COA1: variants seen among roughly 807,000 people sequenced by gnomAD.
COA1 encodes cytochrome c oxidase assembly factor 1 homolog.
In COA1, 13 loss-of-function variants were observed where a neutral mutation model predicts 16.0. The ratio of observed to expected loss-of-function variants is 0.81; its 90% confidence interval spans 0.53 to 1.29. COA1 has a LOEUF of 1.29. COA1 is among the 50% of genes most tolerant of loss of function. The probability of loss-of-function intolerance (pLI) is 0.00; values close to 1 mark genes in which losing one functional copy is unlikely to be tolerated. For synonymous variants in COA1, 65 were observed against 65.7 expected, an observed-to-expected ratio of 0.99 and a Z score of 0.05; for missense variants, 179 against 177.0, an observed-to-expected ratio of 1.01 and a Z score of -0.06.
At chr7:43,638,683 C>T (rs2086351825), downstream of COA1, 1 of 149,614 alleles carries the variant, frequency 6.7e-6, no homozygotes, top group East Asian at 2.1e-4. Context: ...TCAAGCAATT[C>T]TCCCACCTCA....
intron 6 of COA1, among the ~76,000 whole-genome samples, chr7:43,612,073 A>G (rs1333864699): frequency 6.6e-6 from 1 of 152,234 alleles, no homozygotes; most frequent in African/African-American, 2.4e-5. Context: ...TTCAGTATCA[A>G]TCATATTCCT....
chr7:43,697,140 A>C (rs1025458915), intron 1 of COA1, among the ~76,000 whole-genome samples: 2 of 151,800 alleles, frequency 1.3e-5, no homozygotes, highest in Non-Finnish European at 2.9e-5. Flanking sequence ...AACAAAAAAC[A>C]AATAAAAAAA....
At chr7:43,624,511 T>G in intron 6 of COA1, 1 of 1,606,322 alleles carries the variant, frequency 6.2e-7, no homozygotes, top group African/African-American at 1.3e-5. Flanking sequence ...AACATGTATC[T>G]TTACAGAGAT....
chr7:43,616,624 G>A (rs1341809774), intron 6 of COA1, among the ~76,000 whole-genome samples: 10 of 152,172 alleles, frequency 6.6e-5, no homozygotes, highest in African/African-American at 1.2e-4. Context: ...CTGGCCGGGC[G>A]CGGTGGCTCA....
At chr7:43,648,754 C>T (rs1483959020) in intron 1 of COA1, 102 bp from the exon 2 acceptor site, 6 of 802,464 alleles carry the variant, frequency 7.5e-6, no homozygotes, top group African/African-American at 5.2e-5. Flanking sequence ...CTTTAGAACA[C>T]GAACAAGAAG....
intron 1 of COA1, among the ~76,000 whole-genome samples, chr7:43,678,799 T>A (rs7807728): frequency 0.039 from 5,982 of 151,656 alleles, 392 homozygotes; most frequent in African/African-American, 0.14. Context: ...TAAAAAAAAA[T>A]AGAAAATAAC....
At position 43,669,644 on chromosome 7, in the gene COA1, C is replaced by T. The variant is rs146377221; in HGVS notation, c.-38-20992G>A. On this transcript the variant is annotated intron_variant, in intron 1 of 5. Transcript: ENST00000223336. ...CTCATATAAGCAGCCACTTTTCTGA[C>T]GCACACAGGGTTTTCTCTTTGTTCG... is the stretch of plus-strand genomic sequence containing the variant. Among the ~76,000 whole-genome samples the T allele has an allele frequency of 8.2e-3, 1,248 of 152,214 alleles. 10 individuals are homozygous for T. The highest frequency in any genetic ancestry group is 0.029 in the African/African-American group (1,184 of 41,502).
Position 43,619,334 on chromosome 7 carries a change from TG to T in COA1, c.*134-9840del, listed in dbSNP as rs549055511. ...CAAGGAGATTCAGGATCATGGGGAA[TG>T]GTTTCCATAAGGTAGGGATAGAAAC... On this transcript the variant is annotated intron_variant and NMD_transcript_variant, in intron 6 of 6. Transcript: ENST00000415076. Among the ~76,000 whole-genome samples, 19 of 152,278 alleles carry T rather than the reference TG, an allele frequency of 1.2e-4. No homozygotes were observed. In the South Asian group the frequency reaches 3.9e-3, roughly 32 times the overall value.
chr7:43,646,912 T>C (rs536891918), intron 3 of COA1: 7 of 193,164 alleles, frequency 3.6e-5, no homozygotes, highest in Non-Finnish European at 6.7e-5. Flanking sequence ...AAAGCCAGTC[T>C]AGAAAAAACT....
intron 1 of COA1, among the ~76,000 whole-genome samples, chr7:43,714,808 G>A (rs925583730): frequency 3.3e-5 from 5 of 150,842 alleles, no homozygotes; most frequent in Admixed American, 3.3e-4. Context: ...AGGAGTTCGA[G>A]ACCAGCCTGG....
chr7:43,683,269 T>C (rs1291552567), intron 1 of COA1, among the ~76,000 whole-genome samples: 1 of 152,130 alleles, frequency 6.6e-6, no homozygotes, highest in Non-Finnish European at 1.5e-5. Context: ...TTTTTACATA[T>C]CATAATGATC....
At chr7:43,627,807 A>G (rs984624889) in intron 6 of COA1, among the ~76,000 whole-genome samples, 4 of 152,140 alleles carry the variant, frequency 2.6e-5, no homozygotes, top group Non-Finnish European at 5.9e-5. Flanking sequence ...AGGCTTGACA[A>G]ATGTACTCAC....
intron 3 of COA1, 199 bp downstream of exon 3, chr7:43,647,336 T>C (rs1334307413): frequency 1.0e-5 from 6 of 599,668 alleles, no homozygotes; most frequent in Non-Finnish European, 1.8e-5. Context: ...GTCCTTTTAT[T>C]TGTACTCGTT....
rs7780491 is a variant in COA1 at position 43,671,929 on chromosome 7, G to A, written c.-38-23277C>T. ...AGTTTCCTGAGGCCTCCCAAGCCAC[G>A]TGGAACTGTGAGTAAATGAAACCTC... On this transcript the variant is annotated intron_variant, in intron 1 of 5. Coordinates refer to ENST00000223336, the MANE Select transcript of COA1 (RefSeq NM_018224.4). 6.0e-3 allele frequency among the ~76,000 whole-genome samples: 907 copies of A among 152,210 alleles called. 6 individuals are homozygous for A. The highest frequency in any genetic ancestry group is 0.021 in the African/African-American group (857 of 41,532).
chr7:43,691,840 C>T (rs1372490042), intron 1 of COA1, among the ~76,000 whole-genome samples: 3 of 152,202 alleles, frequency 2.0e-5, no homozygotes, highest in African/African-American at 7.2e-5. Flanking sequence ...ACTGTGCTCC[C>T]GGGTTCAAAC....
chr7:43,639,369 G>A lies in COA1; in HGVS notation c.*213C>T. On this transcript the variant is annotated 3_prime_UTR_variant, in exon 6 of 6. Transcript: ENST00000223336. ...AAATTTATAATAGGAGTTTCTTTCG[G>A]ATTCAGTTTAAAAATGACAAATAGC... 1 of 413,992 alleles carries A rather than the reference G, an allele frequency of 2.4e-6. No homozygotes were observed. Among genetic ancestry groups the A allele is most frequent in the South Asian group, 5.0e-5 (1 of 20,010 alleles). 25.6% of individuals were successfully genotyped at this position (413,992 alleles called of 1,614,324 possible).
Position 43,691,301 on chromosome 7 carries a change from G to GA in COA1, c.-39+38127dup, listed in dbSNP as rs1307628323. 5.3e-5 allele frequency among the ~76,000 whole-genome samples: 5 copies of GA among 93,614 alleles called. 1 individual carries two copies. Among genetic ancestry groups the GA allele is most frequent in the Non-Finnish European group, 8.5e-5 (4 of 47,046 alleles). 61.4% of individuals were successfully genotyped at this position (93,614 alleles called of 152,430 possible). A position where few individuals can be genotyped will look rare whatever the true frequency, so the allele number is the denominator to read the frequency against. ...AGAAAGAAAGAAAGAAAGAAAGAAA[G>GA]AAAGAAAGAAAGAAAGAAAGAAAGA... On this transcript the variant is annotated intron_variant, in intron 1 of 5. Coordinates refer to ENST00000223336, the MANE Select transcript of COA1 (RefSeq NM_018224.4).
At chr7:43,649,687 A>G (rs1166770594) in intron 1 of COA1, 1 of 152,292 alleles carries the variant, frequency 6.6e-6, no homozygotes, top group Non-Finnish European at 1.5e-5. Context: ...ACGGCTATGC[A>G]CTGCACAACC....
chr7:43,674,326 G>A (rs780701603), intron 1 of COA1, among the ~76,000 whole-genome samples: 1 of 152,292 alleles, frequency 6.6e-6, no homozygotes, highest in Non-Finnish European at 1.5e-5. Flanking sequence ...ATTCAACTCT[G>A]AGTAAACTTT....
Sources: gnomAD v4.1 joint callset for allele counts (sites outside exome capture counted in the v4.1 genomes callset) on GRCh38, gnomAD v4.1.1 for gene constraint, MANE v1.5 for transcripts, NCBI Gene and HGNC (gene_info 2026-07-23, HGNC 2026-07-21) for gene names.